Variants in PDZD2 observed in about 807,000 individuals in gnomAD.
PDZD2 encodes the protein PDZ domain containing 2.
Under a neutral mutation model 220.7 loss-of-function variants are expected in PDZD2, and 90 were observed. The ratio of observed to expected loss-of-function variants is 0.41; its 90% CI spans 0.34 to 0.49. The LOEUF (loss-of-function observed/expected upper bound fraction) is 0.49. Among genes scored for constraint, PDZD2 ranks in the 20% least tolerant of loss-of-function variants. The pLI, the probability that PDZD2 is intolerant of heterozygous loss-of-function variation, is 0.28. For synonymous variants in PDZD2, 1,375 were observed against 1,450.5 expected, an observed-to-expected ratio of 0.95 and a Z score of 1.18; for missense variants, 3,174 against 3,608.5, an observed-to-expected ratio of 0.88 and a Z score of 3.08.
At chr5:32,041,908 CAAAAA>C (rs56157199) in intron 7 of PDZD2, among the ~76,000 whole-genome samples, 1 of 90,942 alleles carries the variant, frequency 1.1e-5, no homozygotes. Context: ...AAAAAGAAAG[CAAAAA>C]AAAAAAAAAA....
At chr5:31,983,778 T>C in intron 3 of PDZD2, 122 bp downstream of exon 3, 1 of 984,848 alleles carries the variant, frequency 1.0e-6, no homozygotes, top group Non-Finnish European at 1.5e-6. Flanking sequence ...GAAAGAAATA[T>C]TGTTTGAAGT....
At position 31,942,383 on chromosome 5, in the gene PDZD2, A is replaced by ATG. The variant is rs10581247; in HGVS notation, c.477-40752_477-40751dup. On this transcript the variant is annotated intron_variant, in intron 2 of 24. Transcript: ENST00000438447. Reference sequence around the variant, plus strand: ...TGCTATCCTTTGTGTGCTTATGGGCATGTGTGTGTGTGTGTGTGTGTCAGG... The same window carrying ATG: ...TGCTATCCTTTGTGTGCTTATGGGCATGTGTGTGTGTGTGTGTGTGTGTCAGG... Among the ~76,000 whole-genome samples the ATG allele has an allele frequency of 7.4e-3, 1,123 of 151,050 alleles. 8 individuals carry two copies. The highest frequency in any genetic ancestry group is 0.022 in the African/African-American group (914 of 41,216).
At chr5:31,669,863 A>T (rs1013777250) in intron 1 of PDZD2, among the ~76,000 whole-genome samples, 1 of 152,188 alleles carries the variant, frequency 6.6e-6, no homozygotes, top group Non-Finnish European at 1.5e-5. Context: ...GTAAAATAAT[A>T]ATAATAGTAA....
intron 2 of PDZD2, among the ~76,000 whole-genome samples, chr5:31,870,374 A>G (rs1247719691): frequency 8.5e-5 from 13 of 152,188 alleles, no homozygotes; most frequent in African/African-American, 3.1e-4. Flanking sequence ...TCTTGCAATT[A>G]TTTTGTTTTG....
chr5:31,969,467 C>T lies in PDZD2; in HGVS notation c.477-13688C>T, dbSNP rs369177361. Among the ~76,000 whole-genome samples, 11 of 128,658 alleles carry T rather than the reference C, an allele frequency of 8.5e-5. No individual in the cohort carries two copies. The East Asian group carries it at 9.5e-4, about 11-fold the overall frequency. The allele number at this position is 128,658 out of a possible 152,430, so 84.4% of individuals were successfully genotyped here. A position where few individuals can be genotyped will look rare whatever the true frequency, so the allele number is the denominator to read the frequency against. ...GAGGTTGCAGTGAGCTGAGATTACA[C>T]GACTGTACTCCAGGCTGGGTGACAG... is the stretch of plus-strand genomic sequence containing the variant. On this transcript the variant is annotated intron_variant, in intron 2 of 24. Transcript: ENST00000438447.
intron 2 of PDZD2, among the ~76,000 whole-genome samples, chr5:31,940,322 G>T (rs1252664909): frequency 6.6e-6 from 1 of 152,126 alleles, no homozygotes; most frequent in African/African-American, 2.4e-5. Context: ...GATTGCCTTC[G>T]TTAAGCACAT....
chr5:31,780,864 A>T (rs1420056553), intron 1 of PDZD2, among the ~76,000 whole-genome samples: 1 of 152,178 alleles, frequency 6.6e-6, no homozygotes, highest in Non-Finnish European at 1.5e-5. Flanking sequence ...CAGGCGTGTC[A>T]CTGAGAGCTG....
chr5:31,955,258 A>T (rs1342303413), intron 2 of PDZD2, among the ~76,000 whole-genome samples: 1 of 151,768 alleles, frequency 6.6e-6, no homozygotes, highest in Non-Finnish European at 1.5e-5. Flanking sequence ...GCAAGAAAAG[A>T]AGGATGTTGG....
intron 1 of PDZD2, among the ~76,000 whole-genome samples, chr5:31,697,385 C>A (rs948778535): frequency 5.9e-5 from 9 of 152,150 alleles, no homozygotes; most frequent in Non-Finnish European, 1.2e-4. Flanking sequence ...ATCACTTGAA[C>A]CCTGGAAGCA....
chr5:31,702,943 T>A (rs1415191672), intron 1 of PDZD2, among the ~76,000 whole-genome samples: 1 of 152,216 alleles, frequency 6.6e-6, no homozygotes, highest in Non-Finnish European at 1.5e-5. Flanking sequence ...CCATCTTCAG[T>A]CTGCCGGGGC....
intron 1 of PDZD2, among the ~76,000 whole-genome samples, chr5:31,761,128 C>G (rs933367418): frequency 6.6e-6 from 1 of 151,964 alleles, no homozygotes; most frequent in Non-Finnish European, 1.5e-5. Context: ...GGGGGTTGAA[C>G]TGTAAAGAGT....
chr5:31,988,388 C>T (rs922020776), intron 3 of PDZD2, among the ~76,000 whole-genome samples: 11 of 147,826 alleles, frequency 7.4e-5, no homozygotes, highest in Non-Finnish European at 1.3e-4. Flanking sequence ...TTACATAAGG[C>T]GAGGTCCAGA....
At chr5:31,938,365 T>G (rs1321932930) in intron 2 of PDZD2, among the ~76,000 whole-genome samples, 1 of 152,218 alleles carries the variant, frequency 6.6e-6, no homozygotes, top group East Asian at 1.9e-4. Context: ...CGCCTCCAAA[T>G]GGGTAGATTC....
At chr5:32,017,074 T>C (rs1201517458) in intron 6 of PDZD2, among the ~76,000 whole-genome samples, 1 of 152,170 alleles carries the variant, frequency 6.6e-6, no homozygotes, top group Non-Finnish European at 1.5e-5. Flanking sequence ...CATCCCGCAA[T>C]GCCCCCTGCA....
At chr5:31,873,158 AT>A (rs1738983403) in intron 2 of PDZD2, among the ~76,000 whole-genome samples, 1 of 152,104 alleles carries the variant, frequency 6.6e-6, no homozygotes, top group South Asian at 2.1e-4. Context: ...AGCAATTGAG[AT>A]TTAAGAAATT....
intron 1 of PDZD2, among the ~76,000 whole-genome samples, chr5:31,649,990 A>T (rs997383754): frequency 6.6e-6 from 1 of 151,902 alleles, no homozygotes; most frequent in Non-Finnish European, 1.5e-5. Flanking sequence ...AATCGGAAAA[A>T]ATCTTGAGCC....
intron 2 of PDZD2, among the ~76,000 whole-genome samples, chr5:31,850,785 T>C (rs910036815): frequency 1.3e-5 from 2 of 151,914 alleles, no homozygotes; most frequent in African/African-American, 4.8e-5. Flanking sequence ...TACAGGTGCA[T>C]GCCACCATGC....
intron 2 of PDZD2, chr5:31,848,288 T>C (rs1414700136): frequency 1.1e-5 from 2 of 177,052 alleles, no homozygotes; most frequent in South Asian, 1.5e-4. Context: ...TTTCAGTTCA[T>C]GTGTCTTAAG....
intron 1 of PDZD2, among the ~76,000 whole-genome samples, chr5:31,791,260 A>C (rs1279186958): frequency 6.6e-6 from 1 of 152,084 alleles, no homozygotes; most frequent in Non-Finnish European, 1.5e-5. Context: ...CTGATTGCTT[A>C]CTGAGTTGGG....
Sources: allele counts gnomAD v4.1 joint callset (sites outside exome capture counted in the v4.1 genomes callset), GRCh38; gene constraint gnomAD v4.1.1; transcripts MANE v1.5; gene names NCBI Gene and HGNC (gene_info 2026-07-23, HGNC 2026-07-21).